The following WWOX variants were observed in gnomAD, a reference collection of about 807,000 sequenced individuals.
WWOX encodes WW domain-containing oxidoreductase.
A neutral mutation model predicts 46.2 loss-of-function variants in WWOX; 69 were observed. That is an observed-to-expected ratio of 1.49 (90% confidence interval 1.23 to 1.82). The LOEUF is 1.82. WWOX is among the 40% of genes most tolerant of loss of function. WWOX has a pLI of 0.00. For missense variants in WWOX, 919 were observed against 542.6 expected, an observed-to-expected ratio of 1.69 and a Z score of -6.89; for synonymous variants, 359 against 202.6, an observed-to-expected ratio of 1.77 and a Z score of -6.56.
chr16:79,078,552 C>T (rs750749230), intron 8 of WWOX, among the ~76,000 whole-genome samples: 8 of 152,130 alleles, frequency 5.3e-5, no homozygotes, highest in East Asian at 1.9e-4. Flanking sequence ...TGCATAGTAC[C>T]GTGTACATTC....
chr16:79,090,743 C>T (rs953526878), intron 8 of WWOX, among the ~76,000 whole-genome samples: 7 of 152,132 alleles, frequency 4.6e-5, no homozygotes, highest in African/African-American at 1.7e-4. Flanking sequence ...GCCACCAAGG[C>T]CAGGAGGAGA....
At chr16:78,860,947 C>T (rs147152258) in intron 8 of WWOX, among the ~76,000 whole-genome samples, 1 of 152,298 alleles carries the variant, frequency 6.6e-6, no homozygotes, top group African/African-American at 2.4e-5. Context: ...CCCTGAGTAG[C>T]TGGGACTACA....
chr16:78,932,570 G>A (rs551075475), intron 8 of WWOX, among the ~76,000 whole-genome samples: 81 of 152,322 alleles, frequency 5.3e-4, no homozygotes, highest in African/African-American at 1.9e-3. Context: ...TCCTCGAAAT[G>A]TTCCTGGCAC....
intron 8 of WWOX, among the ~76,000 whole-genome samples, chr16:78,459,269 A>T (rs1370489414): frequency 2.0e-5 from 3 of 152,198 alleles, no homozygotes; most frequent in Non-Finnish European, 4.4e-5. Context: ...AGAGTGGTGT[A>T]ATGCCCTTTT....
intron 8 of WWOX, among the ~76,000 whole-genome samples, chr16:78,735,710 A>C (rs760742564): frequency 1.3e-5 from 2 of 152,100 alleles, no homozygotes; most frequent in Non-Finnish European, 2.9e-5. Flanking sequence ...TGGCTCAAGT[A>C]CTAGTTCTAT....
At position 78,432,740 on chromosome 16, in the gene WWOX, C is replaced by T; in HGVS notation, c.1044C>T (p.Phe348=). ...TGCTGTTTACCTTGGCGAGGCCTTT[C>T]ACCAAGTCCATGGTAAGAGAACAGC... ...YTLLFTLARP[F]TKSMQQGAAT... The change falls in exon 8 of 9, where the codon TTC becomes TTT. Residue 348 remains phenylalanine (F), a synonymous_variant. Coordinates refer to ENST00000566780, the MANE Select transcript of WWOX (RefSeq NM_016373.4). 6.2e-7 allele frequency: 1 copy of T among 1,614,210 alleles called. No individual in the cohort carries two copies. The highest frequency in any genetic ancestry group is 8.5e-7 in the Non-Finnish European group (1 of 1,180,046).
intron 5 of WWOX, among the ~76,000 whole-genome samples, chr16:78,285,215 T>G (rs953219254): frequency 6.6e-6 from 1 of 151,974 alleles, no homozygotes; most frequent in Admixed American, 6.6e-5. Flanking sequence ...GGAGGATCAC[T>G]TGAGGCCAGG....
chr16:78,160,176 A>AT (rs141722013), intron 4 of WWOX, among the ~76,000 whole-genome samples: 1 of 150,282 alleles, frequency 6.7e-6, no homozygotes, highest in Non-Finnish European at 1.5e-5. Context: ...TTAGATCATC[A>AT]TTTTTTCTTT....
intron 8 of WWOX, among the ~76,000 whole-genome samples, chr16:78,742,085 A>G (rs913003515): frequency 3.9e-5 from 6 of 152,188 alleles, no homozygotes; most frequent in Admixed American, 3.9e-4. Flanking sequence ...GATAGAAAAC[A>G]TAGTAGCCCC....
At chr16:78,471,210 G>C (rs572237236) in intron 8 of WWOX, among the ~76,000 whole-genome samples, 2 of 152,152 alleles carry the variant, frequency 1.3e-5, no homozygotes, top group Admixed American at 1.3e-4. Flanking sequence ...ACAATCAGGC[G>C]TGATTCTTCA....
At chr16:78,580,716 T>C (rs2045029928) in intron 8 of WWOX, among the ~76,000 whole-genome samples, 1 of 152,250 alleles carries the variant, frequency 6.6e-6, no homozygotes, top group Non-Finnish European at 1.5e-5. Context: ...GCTCCACGAA[T>C]ACTGCAGTGG....
chr16:78,553,406 T>G (rs2035475111), intron 8 of WWOX: 1 of 152,098 alleles, frequency 6.6e-6, no homozygotes, highest in Admixed American at 6.6e-5. Flanking sequence ...GGGTTGTCTT[T>G]AGGTGTCTGA....
chr16:78,566,291 C>T (rs1420927482), intron 8 of WWOX, among the ~76,000 whole-genome samples: 2 of 152,190 alleles, frequency 1.3e-5, no homozygotes, highest in East Asian at 3.9e-4. Context: ...TTTGGGGGAG[C>T]TGGGGAGAGG....
At chr16:78,294,844 TAATGAACACTA>T (rs1209101772) in intron 5 of WWOX, among the ~76,000 whole-genome samples, 5 of 129,246 alleles carry the variant, frequency 3.9e-5, no homozygotes, top group Admixed American at 3.9e-4. Flanking sequence ...ATGAACAAAC[TAATGAACACTA>T]AATGAACAAA....
intron 5 of WWOX, among the ~76,000 whole-genome samples, chr16:78,211,672 C>T (rs1340592006): frequency 6.6e-6 from 1 of 152,088 alleles, no homozygotes. Flanking sequence ...TTACCAACAC[C>T]GTAGAGAAGT....
In WWOX at chr16:78,687,706, A is replaced by G. The variant is rs530907126; in HGVS notation, c.1056+254954A>G. Among the ~76,000 whole-genome samples, 17 of 152,326 alleles carry G rather than the reference A, an allele frequency of 1.1e-4. No individual in the cohort carries two copies. In the Middle Eastern group the frequency reaches 0.01, roughly 91 times the overall value. On this transcript the variant is annotated intron_variant, in intron 8 of 8. Coordinates refer to ENST00000566780, the MANE Select transcript of WWOX (RefSeq NM_016373.4). The stretch of plus-strand genomic sequence containing the variant: ...AGCAGTTCATAGCTCAATTAGATCT[A>G]ACTTGCTTCATTTTTAGGCATTATG...
intron 8 of WWOX, among the ~76,000 whole-genome samples, chr16:78,992,702 T>C (rs1346933359): frequency 2.0e-5 from 3 of 152,072 alleles, no homozygotes; most frequent in African/African-American, 7.2e-5. Context: ...GAAAGATCAC[T>C]TCATATGCAT....
At chr16:78,275,874 C>A (rs921865365) in intron 5 of WWOX, among the ~76,000 whole-genome samples, 1 of 152,070 alleles carries the variant, frequency 6.6e-6, no homozygotes, top group Non-Finnish European at 1.5e-5. Context: ...GGAGTCCTTC[C>A]GACGAGGAAG....
intron 6 of WWOX, among the ~76,000 whole-genome samples, chr16:78,418,715 T>G (rs932783174): frequency 2.6e-5 from 4 of 152,088 alleles, no homozygotes; most frequent in Admixed American, 6.5e-5. Context: ...AATACATACA[T>G]AAAAACATGT....
Sources: gnomAD v4.1 joint callset for allele counts (sites outside exome capture counted in the v4.1 genomes callset) on GRCh38, gnomAD v4.1.1 for gene constraint, MANE v1.5 for transcripts, NCBI Gene and HGNC (gene_info 2026-07-23, HGNC 2026-07-21) for gene names.